RERE: variants seen among roughly 807,000 people sequenced by gnomAD.
The protein encoded by RERE is arginine-glutamic acid dipeptide repeats protein.
RERE carries 40 observed loss-of-function variants against 146.1 expected under a neutral mutation model. The ratio of observed to expected loss-of-function variants is 0.27; its 90% CI spans 0.21 to 0.36. The LOEUF is 0.36. RERE is among the 10% of genes least tolerant of loss of function. The pLI, the probability that RERE is intolerant of heterozygous loss-of-function variation, is 1.00. For missense variants in RERE, 1,933 were observed against 2,138.7 expected (o/e 0.90, Z 1.90); for synonymous variants, 1,003 against 866.0 (o/e 1.16, Z -2.78).
At chr1:8,790,115 A>G (rs1265027488) in intron 1 of RERE, among the ~76,000 whole-genome samples, 1 of 152,194 alleles carries the variant, frequency 6.6e-6, no homozygotes, top group East Asian at 1.9e-4. Context: ...TAGCTGACAG[A>G]TCCTGGATGG....
chr1:8,594,382 G>A (rs1005706532), intron 4 of RERE, among the ~76,000 whole-genome samples: 3 of 152,124 alleles, frequency 2.0e-5, no homozygotes, highest in African/African-American at 7.2e-5. Context: ...CATAAAATGT[G>A]TATGCCACTG....
intron 12 of RERE, among the ~76,000 whole-genome samples, chr1:8,378,694 G>C (rs1307922261): frequency 2.0e-5 from 3 of 152,198 alleles, no homozygotes; most frequent in Non-Finnish European, 4.4e-5. Flanking sequence ...TTCCAGAACT[G>C]TAAGAAAATA....
At chr1:8,559,356 CT>C (rs796842387) in intron 4 of RERE, among the ~76,000 whole-genome samples, 6 of 142,402 alleles carry the variant, frequency 4.2e-5, no homozygotes, top group Non-Finnish European at 6.2e-5. Context: ...TACCAAGATT[CT>C]TTTTTTGCAT....
At chr1:8,767,289 G>T (rs1364814425) in intron 1 of RERE, among the ~76,000 whole-genome samples, 1 of 152,110 alleles carries the variant, frequency 6.6e-6, no homozygotes, top group Non-Finnish European at 1.5e-5. Context: ...GGAATCCAAG[G>T]TTTGATACAT....
intron 1 of RERE, among the ~76,000 whole-genome samples, chr1:8,800,828 G>A (rs1641575211): frequency 6.6e-6 from 1 of 152,014 alleles, no homozygotes; most frequent in Non-Finnish European, 1.5e-5. Context: ...AGCTGGGTGT[G>A]GTGGCACACG....
chr1:8,649,399 T>G (rs2124312622), intron 2 of RERE, among the ~76,000 whole-genome samples: 1 of 152,322 alleles, frequency 6.6e-6, no homozygotes. Flanking sequence ...CAATAATTTT[T>G]TTTAATGTTT....
chr1:8,528,142 T>C (rs1645593216), intron 7 of RERE, among the ~76,000 whole-genome samples: 1 of 152,140 alleles, frequency 6.6e-6, no homozygotes, highest in South Asian at 2.1e-4. Flanking sequence ...CAAAATTACA[T>C]AACCTAGATC....
intron 11 of RERE, among the ~76,000 whole-genome samples, chr1:8,449,634 G>A (rs1056758700): frequency 6.6e-6 from 1 of 152,210 alleles, no homozygotes. Flanking sequence ...CTACGTGACT[G>A]CACTTCCATA....
chr1:8,594,366 A>G (rs1171712822), intron 4 of RERE, among the ~76,000 whole-genome samples: 1 of 152,208 alleles, frequency 6.6e-6, no homozygotes, highest in Admixed American at 6.5e-5. Flanking sequence ...TACTTACAAC[A>G]AACTACATAA....
chr1:8,453,422 T>C (rs1290083884), intron 11 of RERE, among the ~76,000 whole-genome samples: 1 of 152,120 alleles, frequency 6.6e-6, no homozygotes, highest in Non-Finnish European at 1.5e-5. Flanking sequence ...AAGCTCCAGG[T>C]CTTCTCTAGG....
intron 1 of RERE, among the ~76,000 whole-genome samples, chr1:8,678,131 C>T (rs1638883123): frequency 6.6e-6 from 1 of 152,094 alleles, no homozygotes; most frequent in Non-Finnish European, 1.5e-5. Context: ...TTCAGATCCA[C>T]GAGAACAGGA....
intron 1 of RERE, among the ~76,000 whole-genome samples, chr1:8,795,730 C>T (rs1470338137): frequency 6.6e-6 from 1 of 152,128 alleles, no homozygotes; most frequent in African/African-American, 2.4e-5. Flanking sequence ...CGCCTGTAAT[C>T]CCAGCACTTT....
chr1:8,658,030 G>A (rs1638363248), intron 1 of RERE, among the ~76,000 whole-genome samples: 2 of 152,152 alleles, frequency 1.3e-5, no homozygotes, highest in South Asian at 4.1e-4. Context: ...TTAAGCGTCT[G>A]CAATGGGAAA....
intron 12 of RERE, among the ~76,000 whole-genome samples, chr1:8,404,487 G>A (rs949492825): frequency 5.9e-5 from 9 of 152,004 alleles, no homozygotes; most frequent in Non-Finnish European, 1.0e-4. Context: ...CAAACTCCTG[G>A]CCTCAAATGA....
At chr1:8,605,763 A>C (rs1277099713) in intron 4 of RERE, among the ~76,000 whole-genome samples, 1 of 147,500 alleles carries the variant, frequency 6.8e-6, no homozygotes, top group Non-Finnish European at 1.5e-5. Flanking sequence ...AAAAAAAAAA[A>C]AAAAAAAACC....
intron 4 of RERE, among the ~76,000 whole-genome samples, chr1:8,587,593 A>C (rs1646441401): frequency 1.3e-5 from 2 of 152,072 alleles, no homozygotes; most frequent in South Asian, 2.1e-4. Flanking sequence ...CTCTATCTCT[A>C]ATCTTTCTTA....
At chr1:8,765,237 C>A (rs1640824747) in intron 1 of RERE, among the ~76,000 whole-genome samples, 2 of 152,182 alleles carry the variant, frequency 1.3e-5, no homozygotes, top group Admixed American at 1.3e-4. Context: ...TAAGTCAAAG[C>A]AGCCAGTTAC....
Position 8,487,941 on chromosome 1 carries a change from T to C in RERE, c.1104+7122A>G, listed in dbSNP as rs527242698. Among the ~76,000 whole-genome samples, 6 of 152,192 alleles carry C rather than the reference T, an allele frequency of 3.9e-5. No homozygotes were observed. In the East Asian group the frequency reaches 1.2e-3, roughly 29 times the overall value. ...AGATCTGTATTCCCAAAAAATCTTA[T>C]TGTAAGAAGTAAAAGAAAGCGGGGC... is the stretch of plus-strand genomic sequence containing the variant. On this transcript the variant is annotated intron_variant, in intron 10 of 22. Coordinates refer to ENST00000400908, the MANE Select transcript of RERE (RefSeq NM_001042681.2).
intron 6 of RERE, among the ~76,000 whole-genome samples, chr1:8,547,513 T>C (rs570641936): frequency 6.5e-4 from 99 of 152,258 alleles, no homozygotes; most frequent in African/African-American, 2.3e-3. Flanking sequence ...ACAATTGCCA[T>C]GTACCACGGT....
Sources: allele counts gnomAD v4.1 joint callset (sites outside exome capture counted in the v4.1 genomes callset), GRCh38; gene constraint gnomAD v4.1.1; transcripts MANE v1.5; gene names NCBI Gene and HGNC (gene_info 2026-07-23, HGNC 2026-07-21).